Variants in KIF26A observed in about 807,000 individuals in gnomAD.
KIF26A encodes the protein kinesin family member 26A, also known as kinesin-like protein KIF26A.
Under a neutral mutation model 126.0 loss-of-function variants are expected in KIF26A, and 74 were observed. The observed-to-expected ratio is 0.59, with a 90% CI of 0.49 to 0.71. KIF26A has a LOEUF of 0.71. Ranked by LOEUF, KIF26A falls within the 30% of genes least tolerant of loss-of-function variation. The probability of loss-of-function intolerance (pLI) is 0.00; values close to 1 mark genes in which losing one functional copy is unlikely to be tolerated. For synonymous variants in KIF26A, 1,445 were observed against 1,232.7 expected, an observed-to-expected ratio of 1.17 and a Z score of -3.61; for missense variants, 2,984 against 2,763.3, an observed-to-expected ratio of 1.08 and a Z score of -1.79.
At chr14:104,179,537 C>T (rs930468307) in intron 14 of KIF26A, 72 bp from the exon 15 acceptor site, 1 of 1,445,672 alleles carries the variant, frequency 6.9e-7, no homozygotes, top group Non-Finnish European at 9.1e-7. Flanking sequence ...CCTGGGGCCT[C>T]TGGGGGGCCA....
chr14:104,158,218 C>T (rs2037801487), intron 4 of KIF26A, among the ~76,000 whole-genome samples: 1 of 152,270 alleles, frequency 6.6e-6, no homozygotes, highest in Admixed American at 6.5e-5. Flanking sequence ...GGAGCCTGGT[C>T]CCTGCCTCTT....
chr14:104,176,154 C>T lies in KIF26A; in HGVS notation c.3366C>T (p.Ala1122=), dbSNP rs1180808620. The T allele has an allele frequency of 1.1e-5, 18 of 1,587,552 alleles. No individual in the cohort carries two copies. Among genetic ancestry groups the T allele is most frequent in the African/African-American group, 2.7e-5 (2 of 74,354 alleles). The change falls in exon 12 of 15, where the codon GCC becomes GCT. Residue 1122 remains alanine (A), a synonymous_variant. Transcript: ENST00000423312. ...SWLSEVSVCT[A]DSRDPTPQPR... The stretch of plus-strand genomic sequence containing the variant: ...TCAGCGAGGTCAGCGTCTGCACTGC[C>T]GACAGCCGTGACCCCACGCCGCAGC...
chr14:104,139,718 C>T (rs1404856724), intron 2 of KIF26A, among the ~76,000 whole-genome samples: 1 of 152,200 alleles, frequency 6.6e-6, no homozygotes, highest in Non-Finnish European at 1.5e-5. Flanking sequence ...AATTACATAC[C>T]TGGGGCCGGG....
In KIF26A at chr14:104,168,874, G is replaced by A. The variant is rs1343241749; in HGVS notation, c.1113+1826G>A. On this transcript the variant is annotated intron_variant, in intron 5 of 14. Transcript: ENST00000423312. ...CTGGGGTGAGGCGGGGGTGGTGGGT[G>A]AAGCAGAGTTGGGGGACTAGGCCGG... 2.0e-5 allele frequency among the ~76,000 whole-genome samples: 3 copies of A among 152,122 alleles called. No individual in the cohort carries two copies. In the East Asian group the frequency reaches 5.8e-4, roughly 29 times the overall value.
In KIF26A at chr14:104,179,271, G is replaced by A. The variant is rs368326861; in HGVS notation, c.5352G>A (p.Ala1784=). 3.2e-4 allele frequency: 489 copies of A among 1,526,720 alleles called. No individual in the cohort carries two copies. Among genetic ancestry groups the A allele is most frequent in the East Asian group, 4.7e-4 (19 of 40,608 alleles). The allele number at this position is 1,526,720 out of a possible 1,614,324, so 94.6% of individuals were successfully genotyped here. A position where few individuals can be genotyped will look rare whatever the true frequency, so the allele number is the denominator to read the frequency against. ...GCGTCAGTACAAGGCTGCGGCTGGC[G>A]GAGCGCAGGCAGCAGCGGCTGCGGG... ...LACVSTRLRL[A]ERRQQRLREV... The change falls in exon 14 of 15, where the codon GCG becomes GCA. Residue 1784 remains alanine (A), a synonymous_variant. Transcript: ENST00000423312.
At position 104,177,170 on chromosome 14, in the gene KIF26A, C is replaced by A. The variant is rs1471074756; in HGVS notation, c.4382C>A (p.Ala1461Asp). 1.3e-6 allele frequency: 2 copies of A among 1,597,266 alleles called. No individual in the cohort carries two copies. Among genetic ancestry groups the A allele is most frequent in the East Asian group, 2.2e-5 (1 of 44,832 alleles). ...GREAPGRPPRAVPKLGVPPSS... is the reference protein window; with the variant it reads ...GREAPGRPPRDVPKLGVPPSS... ...GAAGCCCCTGGGCGGCCTCCCCGGG[C>A]TGTACCCAAGCTGGGTGTGCCACCC... Residue 1461 changes from alanine to aspartate, a missense_variant, in exon 12 of 15, where the codon GCT becomes GAT. Physicochemically the swap from Ala to Asp is moderately radical, Grantham distance 126. Coordinates refer to ENST00000423312, the MANE Select transcript of KIF26A (RefSeq NM_015656.2).
At chr14:104,169,719 G>C (rs908392662) in intron 5 of KIF26A, among the ~76,000 whole-genome samples, 2 of 152,220 alleles carry the variant, frequency 1.3e-5, no homozygotes, top group Non-Finnish European at 2.9e-5. Context: ...TCCCTGTCTG[G>C]GTGGGTGCTG....
intron 5 of KIF26A, among the ~76,000 whole-genome samples, chr14:104,168,675 G>A (rs1596145285): frequency 1.3e-5 from 2 of 152,218 alleles, no homozygotes; most frequent in East Asian, 1.9e-4. Context: ...TGAATGGATC[G>A]CTTGTCCCTC....
chr14:104,165,433 CTGTCTCTG>C (rs2037880146), intron 4 of KIF26A, among the ~76,000 whole-genome samples: 1 of 68,144 alleles, frequency 1.5e-5, no homozygotes, highest in African/African-American at 7.8e-5. Context: ...GCGTGTGTGT[CTGTCTCTG>C]TGTGTGTTTC....
At chr14:104,174,335 C>A in intron 11 of KIF26A, 25 bp downstream of exon 11, 3 of 1,500,598 alleles carry the variant, frequency 2.0e-6, no homozygotes, top group Non-Finnish European at 2.7e-6. Flanking sequence ...CTGCCCGCCC[C>A]ATCTCGGGGC....
intron 5 of KIF26A, among the ~76,000 whole-genome samples, chr14:104,169,439 C>T (rs1403924225): frequency 1.3e-5 from 2 of 152,186 alleles, no homozygotes; most frequent in Non-Finnish European, 2.9e-5. Context: ...CGGGCTTCTC[C>T]CTTCTCTCCA....
rs1457355317 is a variant in KIF26A at position 104,159,720 on chromosome 14, C to T, written c.923+1778C>T. Among the ~76,000 whole-genome samples the T allele has an allele frequency of 2.6e-5, 4 of 152,336 alleles. No homozygotes were observed. In the East Asian group the frequency reaches 7.7e-4, roughly 29 times the overall value. Reference sequence around the variant, plus strand: ...TGTTAGGCACCCTGGGTCTCAGCGGCTTCTGCGAGGCCACTGCAGGTGGCA... The same window carrying T: ...TGTTAGGCACCCTGGGTCTCAGCGGTTTCTGCGAGGCCACTGCAGGTGGCA... On this transcript the variant is annotated intron_variant, in intron 4 of 14. Coordinates refer to ENST00000423312, the MANE Select transcript of KIF26A (RefSeq NM_015656.2).
intron 2 of KIF26A, among the ~76,000 whole-genome samples, chr14:104,139,967 G>C (rs926900314): frequency 3.3e-4 from 50 of 152,184 alleles, no homozygotes; most frequent in African/African-American, 1.2e-3. Flanking sequence ...GCTTTGGAGG[G>C]AGCAGGGACC....
chr14:104,154,196 C>G (rs1209844153), intron 3 of KIF26A, among the ~76,000 whole-genome samples: 1 of 152,150 alleles, frequency 6.6e-6, no homozygotes, highest in Non-Finnish European at 1.5e-5. Flanking sequence ...GTCAACCACC[C>G]CTGGGTCGAA....
chr14:104,167,157 G>T (rs1442972843), intron 5 of KIF26A, 109 bp downstream of exon 5: 68 of 1,234,188 alleles, frequency 5.5e-5, no homozygotes, highest in Non-Finnish European at 7.0e-5. Flanking sequence ...CTCTGGGTTG[G>T]ATAAGGGTGG....
intron 4 of KIF26A, among the ~76,000 whole-genome samples, chr14:104,161,683 C>T (rs1262808935): frequency 6.6e-6 from 1 of 152,192 alleles, no homozygotes; most frequent in African/African-American, 2.4e-5. Context: ...TGCCCCCAGA[C>T]CCCCTGCTGG....
Position 104,176,392 on chromosome 14 carries a change from G to A in KIF26A, c.3604G>A (p.Ala1202Thr), listed in dbSNP as rs768753322. The change falls in exon 12 of 15, where the codon GCA (alanine) becomes ACA (threonine). Residue 1202 changes from alanine to threonine, a missense_variant. Transcript: ENST00000423312. ...GGCCGGGCCCTCGCGGTGGGCATCC[G>A]CAGCCCAGACCATCCACTCCAGCCT... is the stretch of plus-strand genomic sequence containing the variant. ...PQAGPSRWAS[A>T]AQTIHSSLPR... 7.6e-6 allele frequency: 12 copies of A among 1,587,312 alleles called. No individual in the cohort carries two copies. The highest frequency in any genetic ancestry group is 6.8e-5 in the East Asian group (3 of 44,002).
intron 10 of KIF26A, 48 bp from the exon 11 acceptor site, chr14:104,174,100 G>A (rs757739491): frequency 3.2e-5 from 48 of 1,488,020 alleles, no homozygotes; most frequent in Non-Finnish European, 3.8e-5. Flanking sequence ...GCCTGTCCCC[G>A]AAGCTCCCTT....
At chr14:104,164,078 G>A (rs914963894) in intron 4 of KIF26A, among the ~76,000 whole-genome samples, 3 of 152,160 alleles carry the variant, frequency 2.0e-5, no homozygotes, top group Non-Finnish European at 2.9e-5. Flanking sequence ...AGCCGTCCCT[G>A]GGGTCTCTTA....
Sources: allele counts gnomAD v4.1 joint callset (sites outside exome capture counted in the v4.1 genomes callset), GRCh38; gene constraint gnomAD v4.1.1; transcripts MANE v1.5; gene names NCBI Gene and HGNC (gene_info 2026-07-23, HGNC 2026-07-21).